Variants in MDM4 observed in about 807,000 individuals in gnomAD.
MDM4 encodes protein Mdm4.
In MDM4, 2 loss-of-function variants were observed where a neutral mutation model predicts 60.2. The observed-to-expected ratio is 0.03, with a 90% CI of 0.01 to 0.10. The LOEUF (loss-of-function observed/expected upper bound fraction) is 0.10. MDM4 is among the 10% of genes least tolerant of loss of function. MDM4 has a pLI of 1.00. For missense variants in MDM4, 447 were observed against 577.5 expected (o/e 0.77, Z 2.32); for synonymous variants, 202 against 198.1 (o/e 1.02, Z -0.17).
intron 7 of MDM4, among the ~76,000 whole-genome samples, chr1:204,540,215 G>A (rs1379150670): frequency 6.6e-6 from 1 of 151,630 alleles, no homozygotes; most frequent in Admixed American, 6.6e-5. Context: ...AACCCAGGAG[G>A]TGGAGCTAGC....
At chr1:204,537,156 A>G (rs1661509095) in intron 5 of MDM4, 1 of 414,350 alleles carries the variant, frequency 2.4e-6, no homozygotes, top group Non-Finnish European at 4.3e-6. Context: ...AAAATTTAAA[A>G]GCTTGATATG....
rs1661622456 is a variant in MDM4, at chr1:204,538,257, G to T, written c.460G>T (p.Asp154Tyr). 6.2e-7 allele frequency: 1 copy of T among 1,611,988 alleles called. No homozygotes were observed. The highest frequency in any genetic ancestry group is 1.1e-5 in the South Asian group (1 of 91,044). ...STSRKRTTEDDIPTLPTSEHK... is the reference protein window; with the variant it reads ...STSRKRTTEDYIPTLPTSEHK... The stretch of plus-strand genomic sequence containing the variant: ...TTCCAGAAAAAGAACTACAGAAGAC[G>T]ATATCCCCACACTGCCTACCTCAGA... The change falls in exon 7 of 11, where the codon GAT (aspartate) becomes TAT (tyrosine). Residue 154 changes from aspartate to tyrosine, a missense_variant. This residue lies in a region of MDM4 where 184 missense variants were observed against 179.3 expected (regional missense o/e 1.03). Coordinates refer to ENST00000367182, the MANE Select transcript of MDM4 (RefSeq NM_002393.5).
chr1:204,543,117 C>A (rs1662293163), intron 8 of MDM4, among the ~76,000 whole-genome samples, 173 bp downstream of exon 8: 1 of 152,126 alleles, frequency 6.6e-6, no homozygotes. Flanking sequence ...TTACCTCTTC[C>A]CTAAATGCCC....
chr1:204,532,347 C>G, intron 5 of MDM4, 101 bp downstream of exon 5: 3 of 782,522 alleles, frequency 3.8e-6, no homozygotes, highest in Non-Finnish European at 6.7e-6. Flanking sequence ...GGAATGCTAT[C>G]TTTGGCATGA....
At chr1:204,531,827 C>T (rs543345853) in intron 4 of MDM4, among the ~76,000 whole-genome samples, 9 of 151,534 alleles carry the variant, frequency 5.9e-5, no homozygotes, top group South Asian at 2.1e-4. Context: ...AGCAAAACTC[C>T]GTCTCCAAAA....
At position 204,525,466 on chromosome 1, in the gene MDM4, A is replaced by AT. The variant is rs975295354; in HGVS notation, c.-35-9dup. The AT allele has an allele frequency of 1.2e-4, 187 of 1,548,416 alleles. No homozygotes were observed. Among genetic ancestry groups the AT allele is most frequent in the Middle Eastern group, 3.4e-4 (2 of 5,838 alleles). ...TTCTGCATTAGAATAGATGTTATAA[A>AT]TTTTTTTTTCTATTTAGTTTTACCA... On this transcript the variant is annotated splice_polypyrimidine_tract_variant and intron_variant, in intron 1 of 10. Coordinates refer to ENST00000367182, the MANE Select transcript of MDM4 (RefSeq NM_002393.5).
rs371425430 is a variant in MDM4 at position 204,525,488 on chromosome 1, A to G, written c.-31A>G. 30 of 1,582,658 alleles carry G rather than the reference A, an allele frequency of 1.9e-5. No individual in the cohort carries two copies. In the African/African-American group the frequency reaches 3.7e-4, roughly 20 times the overall value. On this transcript the variant is annotated 5_prime_UTR_variant, in exon 2 of 11. Coordinates refer to ENST00000367182, the MANE Select transcript of MDM4 (RefSeq NM_002393.5). The stretch of plus-strand genomic sequence containing the variant: ...TAAATTTTTTTTTCTATTTAGTTTT[A>G]CCAACAGACTGCAGTTTCTTCACTA...
intron 10 of MDM4, among the ~76,000 whole-genome samples, chr1:204,547,906 A>G (rs1662824345): frequency 6.6e-6 from 1 of 152,196 alleles, no homozygotes; most frequent in Admixed American, 6.5e-5. Flanking sequence ...TATTTTTAGT[A>G]GAGACGAGGA....
In MDM4 at chr1:204,550,965, AC is replaced by A. The variant is rs1663147054; in HGVS notation, c.*1284del. On this transcript the variant is annotated 3_prime_UTR_variant, in exon 11 of 11. Coordinates refer to ENST00000367182, the MANE Select transcript of MDM4 (RefSeq NM_002393.5). ...CAAATCAGACTTAACTTCCGTCAGA[AC>A]ATGTCTTGGTTTTAATTCAGATAAA... 5.4e-6 allele frequency: 1 copy of A among 185,008 alleles called. No homozygotes were observed. The highest frequency in any genetic ancestry group is 2.0e-4 in the South Asian group (1 of 5,102). 11.5% of individuals were successfully genotyped at this position (185,008 alleles called of 1,614,324 possible).
intron 1 of MDM4, among the ~76,000 whole-genome samples, chr1:204,517,822 C>T (rs1412019835): frequency 6.6e-6 from 1 of 151,856 alleles, no homozygotes; most frequent in East Asian, 1.9e-4. Context: ...TACTGTATCT[C>T]AGTTTAGATT....
intron 8 of MDM4, among the ~76,000 whole-genome samples, chr1:204,543,855 G>A (rs1369116831): frequency 3.3e-5 from 5 of 152,146 alleles, no homozygotes; most frequent in Non-Finnish European, 7.4e-5. Flanking sequence ...GAAATGTAAG[G>A]CCAGGGCTTT....
intron 3 of MDM4, chr1:204,528,999 G>C (rs1660555953): frequency 6.5e-7 from 1 of 1,530,138 alleles, no homozygotes; most frequent in East Asian, 2.3e-5. Flanking sequence ...AGGATTGACA[G>C]AGCGTGGGCA....
intron 1 of MDM4, among the ~76,000 whole-genome samples, chr1:204,517,620 T>TCG (rs1472517618): frequency 6.6e-6 from 1 of 152,066 alleles, no homozygotes; most frequent in Non-Finnish European, 1.5e-5. Context: ...CAGGCTGTTC[T>TCG]CGAACTCCAG....
At position 204,551,555 on chromosome 1, in the gene MDM4, C is replaced by G. The variant is rs1663208802; in HGVS notation, c.*1873C>G. The G allele has an allele frequency of 9.7e-6, 2 of 206,078 alleles. No homozygotes were observed. The highest frequency in any genetic ancestry group is 1.9e-5 in the Non-Finnish European group (2 of 106,988). The allele number at this position is 206,078 out of a possible 1,614,324, so 12.8% of individuals were successfully genotyped here. ...AGAGAAATGGTAGATCTGAAGAGGC[C>G]TCATCAGAGCACATATTTTAGGACA... On this transcript the variant is annotated 3_prime_UTR_variant, in exon 11 of 11. Coordinates refer to ENST00000367182, the MANE Select transcript of MDM4 (RefSeq NM_002393.5).
At chr1:204,541,241 T>C (rs1447777119) in intron 7 of MDM4, among the ~76,000 whole-genome samples, 1 of 152,152 alleles carries the variant, frequency 6.6e-6, no homozygotes, top group Non-Finnish European at 1.5e-5. Context: ...GGGGCATTAC[T>C]TGAGCTCAAG....
Position 204,550,130 on chromosome 1 carries a change from GTT to G in MDM4, c.*461_*462del, listed in dbSNP as rs557173393. On this transcript the variant is annotated 3_prime_UTR_variant, in exon 11 of 11. Transcript: ENST00000367182. ...CAGCTATTTCATGGCTCTCACCCTA[GTT>G]TTTTTTTTTTTTGCACTTTTTTTTT... 3.0e-4 allele frequency: 62 copies of G among 209,326 alleles called. No homozygotes were observed. Among genetic ancestry groups the G allele is most frequent in the East Asian group, 8.6e-4 (13 of 15,116 alleles). 13.0% of individuals were successfully genotyped at this position (209,326 alleles called of 1,614,324 possible). A position where few individuals can be genotyped will look rare whatever the true frequency, so the allele number is the denominator to read the frequency against.
intron 3 of MDM4, among the ~76,000 whole-genome samples, 196 bp downstream of exon 3, chr1:204,526,630 A>T (rs1660196314): frequency 6.6e-6 from 1 of 151,796 alleles, no homozygotes; most frequent in Admixed American, 6.6e-5. Context: ...CGCCCGGCTA[A>T]TTTTTTGTAT....
intron 4 of MDM4, among the ~76,000 whole-genome samples, chr1:204,531,066 C>T (rs1660806756): frequency 6.6e-6 from 1 of 152,104 alleles, no homozygotes; most frequent in African/African-American, 2.4e-5. Context: ...TCATGGTAAA[C>T]CTACACTATG....
rs909409514 is a variant in MDM4, at chr1:204,532,177, T to G, written c.288-14T>G. On this transcript the variant is annotated splice_polypyrimidine_tract_variant and intron_variant, in intron 4 of 10. Transcript: ENST00000367182. ...ATTTGGGGTTGTTAATTTTTTATCT[T>G]CTCTCTTTAACAGCCCTCTCTATGA... The G allele has an allele frequency of 5.8e-6, 9 of 1,564,632 alleles. No homozygotes were observed. Among genetic ancestry groups the G allele is most frequent in the Non-Finnish European group, 7.9e-6 (9 of 1,137,590 alleles).
Sources: gnomAD v4.1 joint callset for allele counts (sites outside exome capture counted in the v4.1 genomes callset) on GRCh38, gnomAD v4.1.1 for gene constraint, gnomAD v4.1.1 regional missense constraint, MANE v1.5 for transcripts, NCBI Gene and HGNC (gene_info 2026-07-23, HGNC 2026-07-21) for gene names.